SLC44A1: variants seen among roughly 807,000 people sequenced by gnomAD.
SLC44A1 encodes solute carrier family 44 member 1, also known as choline transporter-like protein 1.
SLC44A1 carries 26 observed loss-of-function variants against 79.3 expected under a neutral mutation model. The observed-to-expected ratio is 0.33, with a 90% CI of 0.24 to 0.46. The LOEUF (loss-of-function observed/expected upper bound fraction) is 0.46. Among genes scored for constraint, SLC44A1 ranks in the 20% least tolerant of loss-of-function variants. The probability of loss-of-function intolerance (pLI) is 1.00; values close to 1 mark genes in which losing one functional copy is unlikely to be tolerated. For missense variants in SLC44A1, 688 were observed against 798.1 expected (o/e 0.86, Z 1.66); for synonymous variants, 263 against 286.2 (o/e 0.92, Z 0.82).
intron 1 of SLC44A1, among the ~76,000 whole-genome samples, chr9:105,264,207 A>G (rs1043315585): frequency 1.3e-5 from 2 of 152,134 alleles, no homozygotes; most frequent in Admixed American, 6.6e-5. Context: ...TCTGTCACCC[A>G]GGCTGGAGTG....
Position 105,395,666 on chromosome 9 carries a change from A to G in SLC44A1, c.*6610A>G, listed in dbSNP as rs1828861292. On this transcript the variant is annotated 3_prime_UTR_variant, in exon 16 of 16. Coordinates refer to ENST00000374720, the MANE Select transcript of SLC44A1 (RefSeq NM_080546.5). Reference sequence around the variant, plus strand: ...CACAGAAGTGTAAGACTTAAAGGGAATATTCTGACCTTCGTGTATGAATCT... The same window carrying G: ...CACAGAAGTGTAAGACTTAAAGGGAGTATTCTGACCTTCGTGTATGAATCT... The G allele has an allele frequency of 1.0e-6, 1 of 985,312 alleles. No homozygotes were observed. Among genetic ancestry groups the G allele is most frequent in the Non-Finnish European group, 1.2e-6 (1 of 829,940 alleles). 61.0% of individuals were successfully genotyped at this position (985,312 alleles called of 1,614,324 possible). A position where few individuals can be genotyped will look rare whatever the true frequency, so the allele number is the denominator to read the frequency against.
At chr9:105,424,934 G>C (rs1483414770) in intron 15 of SLC44A1, among the ~76,000 whole-genome samples, 2 of 140,522 alleles carry the variant, frequency 1.4e-5, no homozygotes, top group Non-Finnish European at 3.0e-5. Context: ...GGGCAACAGA[G>C]TAAGACTCCA....
intron 1 of SLC44A1, among the ~76,000 whole-genome samples, chr9:105,256,843 A>C (rs940642411): frequency 6.6e-6 from 1 of 150,604 alleles, no homozygotes; most frequent in Non-Finnish European, 1.5e-5. Flanking sequence ...GCTGAAGTGC[A>C]GTGGCGTGAT....
In SLC44A1 at chr9:105,279,728, C is replaced by G. The variant is rs534456102; in HGVS notation, c.37-19492C>G. On this transcript the variant is annotated intron_variant, in intron 1 of 15. Transcript: ENST00000374720. ...TTTACATCAGGAATATATAAACCTT[C>G]TATCACCATTAACATTGTTCTAGAA... 2.6e-4 allele frequency among the ~76,000 whole-genome samples: 39 copies of G among 152,280 alleles called. 1 individual carries two copies. The South Asian group carries it at 7.9e-3, about 31-fold the overall frequency.
intron 13 of SLC44A1, among the ~76,000 whole-genome samples, chr9:105,382,242 A>T (rs549246581): frequency 7.9e-5 from 12 of 152,278 alleles, no homozygotes; most frequent in African/African-American, 2.9e-4. Flanking sequence ...AAATGGGATG[A>T]TAATATTTGC....
chr9:105,352,335 C>T (rs1827476784), intron 5 of SLC44A1, among the ~76,000 whole-genome samples: 2 of 152,088 alleles, frequency 1.3e-5, no homozygotes, highest in South Asian at 4.1e-4. Context: ...CCCCTGCCTT[C>T]TTGTGAAGGC....
intron 15 of SLC44A1, 105 bp downstream of exon 15, chr9:105,385,607 C>A: frequency 1.3e-6 from 2 of 1,508,512 alleles, no homozygotes; most frequent in Non-Finnish European, 1.8e-6. Flanking sequence ...CTTTTGTTAT[C>A]TGTATCACGC....
At chr9:105,399,467 CAACAA>C (rs573452880), downstream of SLC44A1, among the ~76,000 whole-genome samples, 194 of 152,030 alleles carry the variant, frequency 1.3e-3, no homozygotes, top group African/African-American at 4.6e-3. Flanking sequence ...TCACAGCTTA[CAACAA>C]AATAAAACAA....
chr9:105,341,196 A>G (rs900141947), intron 4 of SLC44A1, among the ~76,000 whole-genome samples: 1 of 151,988 alleles, frequency 6.6e-6, no homozygotes, highest in African/African-American at 2.4e-5. Context: ...TTAGCTGGGC[A>G]TGGTGGCATG....
chr9:105,276,956 T>G (rs1453413974), intron 1 of SLC44A1, among the ~76,000 whole-genome samples: 1 of 152,218 alleles, frequency 6.6e-6, no homozygotes, highest in East Asian at 1.9e-4. Flanking sequence ...ATCACGTTAT[T>G]GAAACTAGTG....
rs943032628 is a variant in SLC44A1 at position 105,282,682 on chromosome 9, A to G, written c.37-16538A>G. Among the ~76,000 whole-genome samples the G allele has an allele frequency of 5.9e-5, 9 of 151,900 alleles. No individual in the cohort carries two copies. In the South Asian group the frequency reaches 8.3e-4, roughly 14 times the overall value. ...TCCTGCCTCAGCCTCCTGAGTAGCT[A>G]GGATTACAGGCGTGCGCCACCATGC... On this transcript the variant is annotated intron_variant, in intron 1 of 15. Coordinates refer to ENST00000374720, the MANE Select transcript of SLC44A1 (RefSeq NM_080546.5).
intron 1 of SLC44A1, among the ~76,000 whole-genome samples, chr9:105,289,827 T>C (rs1830562348): frequency 6.6e-6 from 1 of 152,048 alleles, no homozygotes; most frequent in African/African-American, 2.4e-5. Flanking sequence ...TTTTTTTGTT[T>C]TTTTGAGATG....
chr9:105,373,545 TG>T (rs556241575), intron 12 of SLC44A1, among the ~76,000 whole-genome samples: 45 of 152,318 alleles, frequency 3.0e-4, no homozygotes, highest in Non-Finnish European at 5.0e-4. Flanking sequence ...CAGCTCAATC[TG>T]ACCTGAACAA....
At chr9:105,331,316 T>C (rs963418993) in intron 3 of SLC44A1, among the ~76,000 whole-genome samples, 1 of 152,224 alleles carries the variant, frequency 6.6e-6, no homozygotes, top group African/African-American at 2.4e-5. Flanking sequence ...ATGTATGTGC[T>C]GCATCTCTTT....
At chr9:105,286,488 CTG>C (rs1342656466) in intron 1 of SLC44A1, among the ~76,000 whole-genome samples, 2 of 152,184 alleles carry the variant, frequency 1.3e-5, no homozygotes, top group African/African-American at 4.8e-5. Context: ...TAGCTAAAAT[CTG>C]TCTCTTTGTA....
At chr9:105,423,555 T>C in intron 15 of SLC44A1, among the ~76,000 whole-genome samples, 1 of 152,238 alleles carries the variant, frequency 6.6e-6, no homozygotes, top group East Asian at 1.9e-4. Context: ...GAAAAGATTT[T>C]GCTGCAAATC....
chr9:105,424,840 G>T (rs918698982), intron 15 of SLC44A1, among the ~76,000 whole-genome samples: 1 of 151,672 alleles, frequency 6.6e-6, no homozygotes, highest in East Asian at 1.9e-4. Context: ...TCAGATACTT[G>T]GGAGGCTGAG....
chr9:105,404,328 G>T (rs987179425), intron 15 of SLC44A1, among the ~76,000 whole-genome samples: 2 of 151,864 alleles, frequency 1.3e-5, no homozygotes, highest in South Asian at 4.2e-4. Flanking sequence ...ATTGGTTGGT[G>T]TAAGGGGCCA....
At chr9:105,294,337 T>A (rs1286253261) in intron 1 of SLC44A1, among the ~76,000 whole-genome samples, 1 of 152,216 alleles carries the variant, frequency 6.6e-6, no homozygotes, top group Non-Finnish European at 1.5e-5. Context: ...GAACTTTCCT[T>A]AACATTTCTT....
Sources: gnomAD v4.1 joint callset for allele counts (sites outside exome capture counted in the v4.1 genomes callset) on GRCh38, gnomAD v4.1.1 for gene constraint, MANE v1.5 for transcripts, NCBI Gene and HGNC (gene_info 2026-07-23, HGNC 2026-07-21) for gene names.